Variants in RGS7 observed in about 807,000 individuals in gnomAD.
The protein encoded by RGS7 is regulator of G-protein signaling 7.
In RGS7, 27 loss-of-function variants were observed where a neutral mutation model predicts 81.1. The observed-to-expected ratio is 0.33, with a 90% CI of 0.25 to 0.46. The LOEUF (loss-of-function observed/expected upper bound fraction) is 0.46, where lower values mean the gene tolerates loss of function less well. RGS7 is among the 20% of genes least tolerant of loss of function. The probability of loss-of-function intolerance (pLI) is 1.00; values close to 1 mark genes in which losing one functional copy is unlikely to be tolerated. For missense variants in RGS7, 396 were observed against 607.4 expected (o/e 0.65, Z 3.66); for synonymous variants, 208 against 207.7 (o/e 1.00, Z -0.01).
intron 2 of RGS7, among the ~76,000 whole-genome samples, chr1:241,283,255 T>C (rs1026928227): frequency 5.9e-5 from 9 of 152,342 alleles, no homozygotes; most frequent in African/African-American, 2.2e-4. Flanking sequence ...TCCTTTTTCA[T>C]GTTCCAAGGT....
chr1:240,993,078 A>G (rs12093479), intron 3 of RGS7, among the ~76,000 whole-genome samples: 44,216 of 111,210 alleles, frequency 0.4, 8,925 homozygotes, highest in South Asian at 0.5. Flanking sequence ...GGAAAGAAAC[A>G]GAAGGAAGGA....
intron 6 of RGS7, among the ~76,000 whole-genome samples, chr1:240,903,916 C>T (rs1330963579): frequency 2.0e-5 from 3 of 152,204 alleles, no homozygotes; most frequent in Non-Finnish European, 4.4e-5. Context: ...AGCCTGAGGG[C>T]CTCACCAGAA....
At chr1:240,791,695 A>G (rs1686036340) in intron 18 of RGS7, among the ~76,000 whole-genome samples, 1 of 152,218 alleles carries the variant, frequency 6.6e-6, no homozygotes, top group Admixed American at 6.5e-5. Flanking sequence ...TTGATGACCC[A>G]GGGCTGTCTA....
At chr1:241,306,158 G>A (rs866467026) in intron 2 of RGS7, among the ~76,000 whole-genome samples, 22 of 141,068 alleles carry the variant, frequency 1.6e-4, no homozygotes, top group African/African-American at 2.9e-4. Context: ...ACTCACACAC[G>A]TCCACACACA....
chr1:241,031,990 T>C (rs530969677), intron 3 of RGS7, among the ~76,000 whole-genome samples: 10 of 152,374 alleles, frequency 6.6e-5, no homozygotes, highest in African/African-American at 1.9e-4. Flanking sequence ...ATGAATCTCA[T>C]TTGTCCAAAA....
Position 241,008,080 on chromosome 1 carries a change from G to C in RGS7, c.176-24951C>G, listed in dbSNP as rs189544684. Reference sequence around the variant, plus strand: ...CCTCAAATATACAGATATGGGACCTGTATGCAAAGATCCGTCCCTACTTTA... The same window carrying C: ...CCTCAAATATACAGATATGGGACCTCTATGCAAAGATCCGTCCCTACTTTA... On this transcript the variant is annotated intron_variant, in intron 3 of 18. Transcript: ENST00000440928. Among the ~76,000 whole-genome samples, 50 of 152,212 alleles carry C rather than the reference G, an allele frequency of 3.3e-4. No homozygotes were observed. In the East Asian group the frequency reaches 8.9e-3, roughly 27 times the overall value.
chr1:240,845,755 A>T (rs1658957178), intron 9 of RGS7, among the ~76,000 whole-genome samples: 1 of 152,254 alleles, frequency 6.6e-6, no homozygotes, highest in African/African-American at 2.4e-5. Flanking sequence ...ATCCACATGC[A>T]TTATTGTTCT....
intron 6 of RGS7, among the ~76,000 whole-genome samples, chr1:240,921,876 C>G (rs1673604908): frequency 6.6e-6 from 1 of 151,952 alleles, no homozygotes; most frequent in African/African-American, 2.4e-5. Context: ...TCCTAGCATA[C>G]TTTGAGGATA....
At chr1:241,341,872 T>TA (rs1282730967) in intron 2 of RGS7, among the ~76,000 whole-genome samples, 11 of 119,680 alleles carry the variant, frequency 9.2e-5, no homozygotes, top group Admixed American at 7.9e-4. Context: ...CTTCAACTCT[T>TA]TTTTTTTTTT....
intron 3 of RGS7, among the ~76,000 whole-genome samples, chr1:241,052,622 C>T (rs2148811073): frequency 6.6e-6 from 1 of 152,274 alleles, no homozygotes; most frequent in Non-Finnish European, 1.5e-5. Flanking sequence ...GGTTGAAAAA[C>T]CATCTACTGT....
chr1:241,090,005 A>G (rs1198651168), intron 3 of RGS7, among the ~76,000 whole-genome samples: 2 of 151,258 alleles, frequency 1.3e-5, no homozygotes, highest in Non-Finnish European at 3.0e-5. Flanking sequence ...AAAAAAAAAA[A>G]AAAAAAAGAG....
At chr1:240,823,241 T>C (rs968304921) in intron 10 of RGS7, 1 of 712,060 alleles carries the variant, frequency 1.4e-6, no homozygotes, top group African/African-American at 1.8e-5. Flanking sequence ...GTCCATCCTA[T>C]GCTCACCACC....
rs534728124 is a variant in RGS7, at chr1:240,903,293, A to G, written c.385+27424T>C. ...TGTGCTGTCCAATATGATAGCCATT[A>G]GCCACATGTGGCTACAGAGCACTTG... On this transcript the variant is annotated intron_variant, in intron 6 of 18. Transcript: ENST00000440928. Among the ~76,000 whole-genome samples the G allele has an allele frequency of 2.0e-5, 3 of 152,348 alleles. No individual in the cohort carries two copies. The East Asian group carries it at 5.8e-4, about 29-fold the overall frequency.
intron 2 of RGS7, among the ~76,000 whole-genome samples, chr1:241,229,707 C>T (rs1423009347): frequency 6.6e-6 from 1 of 152,184 alleles, no homozygotes; most frequent in African/African-American, 2.4e-5. Flanking sequence ...GTTTATCATC[C>T]GAAATGAACT....
chr1:241,139,980 C>G (rs1405331081), intron 2 of RGS7, among the ~76,000 whole-genome samples: 6 of 152,140 alleles, frequency 3.9e-5, no homozygotes, highest in Admixed American at 3.9e-4. Flanking sequence ...TGTCCTGTTT[C>G]TGTGTGCTAC....
intron 2 of RGS7, among the ~76,000 whole-genome samples, chr1:241,100,166 G>A (rs1022338553): frequency 8.0e-5 from 12 of 150,572 alleles, no homozygotes; most frequent in East Asian, 7.9e-4. Flanking sequence ...ATGAGGTCAG[G>A]AGATCGAGAC....
intron 2 of RGS7, among the ~76,000 whole-genome samples, chr1:241,105,472 G>A (rs1284770550): frequency 7.2e-5 from 11 of 152,110 alleles, no homozygotes; most frequent in African/African-American, 1.4e-4. Context: ...AACACTTGGC[G>A]GAATGAAAGA....
intron 2 of RGS7, among the ~76,000 whole-genome samples, chr1:241,151,938 T>C (rs2068786008): frequency 2.0e-5 from 3 of 152,174 alleles, no homozygotes; most frequent in African/African-American, 7.2e-5. Context: ...GCTTCCTCTC[T>C]TGTAGGATAT....
rs183443432 is a variant in RGS7 at position 241,034,035 on chromosome 1, G to A, written c.176-50906C>T. 8.7e-4 allele frequency among the ~76,000 whole-genome samples: 133 copies of A among 152,310 alleles called. 1 individual carries two copies. The highest frequency in any genetic ancestry group is 2.3e-3 in the African/African-American group (94 of 41,570). ...AACTCTTGCACGAAGAAGCATCTTA[G>A]AGACTTGTCCTGGAAAGTGTTAATC... On this transcript the variant is annotated intron_variant, in intron 3 of 18. Coordinates refer to ENST00000440928, the MANE Select transcript of RGS7 (RefSeq NM_001364886.1).
Sources: allele counts gnomAD v4.1 joint callset (sites outside exome capture counted in the v4.1 genomes callset), GRCh38; gene constraint gnomAD v4.1.1; transcripts MANE v1.5; gene names NCBI Gene and HGNC (gene_info 2026-07-23, HGNC 2026-07-21).